The following BMPR1B variants were observed in gnomAD, a reference collection of about 807,000 sequenced individuals.
BMPR1B encodes bone morphogenetic protein receptor type-1B.
A neutral mutation model predicts 59.1 loss-of-function variants in BMPR1B; 12 were observed. The ratio of observed to expected loss-of-function variants is 0.20; its 90% confidence interval spans 0.13 to 0.33. The LOEUF (loss-of-function observed/expected upper bound fraction) is 0.33, where lower values mean the gene tolerates loss of function less well. BMPR1B is among the 10% of genes least tolerant of loss of function. BMPR1B has a pLI of 1.00. For missense variants in BMPR1B, 550 were observed against 610.9 expected (o/e 0.90, Z 1.05); for synonymous variants, 237 against 207.3 (o/e 1.14, Z -1.23).
intron 2 of BMPR1B, among the ~76,000 whole-genome samples, chr4:94,959,033 G>C (rs1034950369): frequency 6.6e-6 from 1 of 152,162 alleles, no homozygotes; most frequent in African/African-American, 2.4e-5. Flanking sequence ...TGGAAGTCTT[G>C]AGAAGGTAGG....
At chr4:94,788,120 CT>C (rs1163748346) in intron 1 of BMPR1B, among the ~76,000 whole-genome samples, 1 of 152,144 alleles carries the variant, frequency 6.6e-6, no homozygotes, top group Non-Finnish European at 1.5e-5. Context: ...CTTCTTGTCC[CT>C]GCAGTCTTAA....
chr4:94,961,005 T>C (rs1228900718), intron 2 of BMPR1B, among the ~76,000 whole-genome samples: 3 of 152,130 alleles, frequency 2.0e-5, no homozygotes, highest in Non-Finnish European at 4.4e-5. Flanking sequence ...GGTGAAATAA[T>C]GGTATAGAAG....
At chr4:94,813,085 T>C (rs1205704898) in intron 1 of BMPR1B, among the ~76,000 whole-genome samples, 1 of 152,108 alleles carries the variant, frequency 6.6e-6, no homozygotes, top group Non-Finnish European at 1.5e-5. Context: ...TAAGCAAATA[T>C]TTACAGAGCA....
Position 95,155,932 on chromosome 4 carries a change from T to C in BMPR1B, c.*1259T>C, listed in dbSNP as rs926849509. The stretch of plus-strand genomic sequence containing the variant: ...AGTTAGTAGAGGCCACAAACTGTTA[T>C]GGGCTGCTGTGTTTTGTTCTAAAAT... On this transcript the variant is annotated 3_prime_UTR_variant, in exon 13 of 13. Transcript: ENST00000515059. The C allele has an allele frequency of 3.9e-5, 6 of 152,308 alleles. No individual in the cohort carries two copies. In the South Asian group the frequency reaches 1.0e-3, roughly 26 times the overall value. The allele number at this position is 152,308 out of a possible 1,614,324, so 9.4% of individuals were successfully genotyped here. A position where few individuals can be genotyped will look rare whatever the true frequency, so the allele number is the denominator to read the frequency against.
intron 2 of BMPR1B, among the ~76,000 whole-genome samples, chr4:94,880,143 A>T (rs1039696217): frequency 5.3e-5 from 8 of 152,170 alleles, no homozygotes; most frequent in Admixed American, 4.6e-4. Flanking sequence ...TTACTAAAAA[A>T]TAGAATTTTC....
rs1725399210 is a variant in BMPR1B at position 95,038,191 on chromosome 4, C to CA, written c.-18+42058dup. Among the ~76,000 whole-genome samples, 12 of 152,202 alleles carry CA rather than the reference C, an allele frequency of 7.9e-5. No homozygotes were observed. In the South Asian group the frequency reaches 2.5e-3, roughly 32 times the overall value. ...CATTTTAGGCAGAAGAATCAGGAGA[C>CA]ACAAAGCTCTGAGCTGGATCATGCC... is the stretch of plus-strand genomic sequence containing the variant. On this transcript the variant is annotated intron_variant, in intron 3 of 12. Transcript: ENST00000515059.
chr4:94,906,968 G>T (rs1045072612), intron 2 of BMPR1B, among the ~76,000 whole-genome samples: 2 of 151,958 alleles, frequency 1.3e-5, no homozygotes, highest in Non-Finnish European at 2.9e-5. Flanking sequence ...TTATCTCTCT[G>T]TAGGGATTAT....
chr4:95,009,490 A>G (rs1027398381), intron 3 of BMPR1B, among the ~76,000 whole-genome samples: 1 of 152,148 alleles, frequency 6.6e-6, no homozygotes, highest in African/African-American at 2.4e-5. Flanking sequence ...AGAATCCCCA[A>G]AACACAATTT....
At chr4:95,009,423 A>G (rs555649830) in intron 3 of BMPR1B, among the ~76,000 whole-genome samples, 3 of 152,330 alleles carry the variant, frequency 2.0e-5, no homozygotes, top group Non-Finnish European at 4.4e-5. Context: ...TATTTTATAC[A>G]GTGGAATTAA....
chr4:94,920,531 T>C (rs541654893), intron 2 of BMPR1B, among the ~76,000 whole-genome samples: 13 of 152,278 alleles, frequency 8.5e-5, no homozygotes, highest in African/African-American at 2.9e-4. Context: ...CTCCCACTAA[T>C]TGTTTTATGG....
At chr4:95,085,685 T>C (rs1729520330) in intron 3 of BMPR1B, among the ~76,000 whole-genome samples, 2 of 152,172 alleles carry the variant, frequency 1.3e-5, no homozygotes, top group African/African-American at 2.4e-5. Context: ...ATAGAAAATA[T>C]ATAAGCAAAG....
chr4:94,938,943 C>A (rs1237710552), intron 2 of BMPR1B, among the ~76,000 whole-genome samples: 1 of 151,694 alleles, frequency 6.6e-6, no homozygotes, highest in Non-Finnish European at 1.5e-5. Context: ...CCCAGGAGTT[C>A]AAGGTTGCAG....
intron 1 of BMPR1B, among the ~76,000 whole-genome samples, chr4:94,821,111 C>G (rs187338782): frequency 2.2e-3 from 329 of 152,326 alleles, no homozygotes; most frequent in African/African-American, 7.6e-3. Flanking sequence ...TCACAACTCT[C>G]TTTAATATGC....
chr4:95,041,172 G>C (rs1163578014), intron 3 of BMPR1B, among the ~76,000 whole-genome samples: 1 of 152,054 alleles, frequency 6.6e-6, no homozygotes, highest in Non-Finnish European at 1.5e-5. Flanking sequence ...TCAGCCTCCT[G>C]AGTAAATAGG....
intron 3 of BMPR1B, among the ~76,000 whole-genome samples, chr4:95,005,798 G>A (rs1722780948): frequency 6.6e-6 from 1 of 151,968 alleles, no homozygotes; most frequent in East Asian, 1.9e-4. Flanking sequence ...TTTTGTGTGT[G>A]TGCATTTTGA....
chr4:94,763,557 T>C (rs771454538), intron 1 of BMPR1B, among the ~76,000 whole-genome samples: 2 of 152,212 alleles, frequency 1.3e-5, no homozygotes, highest in Non-Finnish European at 2.9e-5. Context: ...TATTTACTTA[T>C]CGGCTAAAGG....
At chr4:94,805,907 TC>T (rs761884650) in intron 1 of BMPR1B, among the ~76,000 whole-genome samples, 12 of 152,182 alleles carry the variant, frequency 7.9e-5, no homozygotes, top group Non-Finnish European at 1.6e-4. Flanking sequence ...TAAATATGGA[TC>T]TAGAAAATTG....
intron 2 of BMPR1B, among the ~76,000 whole-genome samples, chr4:94,899,311 C>T (rs1373790471): frequency 6.6e-6 from 1 of 151,718 alleles, no homozygotes; most frequent in African/African-American, 2.4e-5. Flanking sequence ...ATAACACTTA[C>T]AGGTACCAGC....
At chr4:95,022,776 A>G (rs780718188) in intron 3 of BMPR1B, among the ~76,000 whole-genome samples, 6 of 152,178 alleles carry the variant, frequency 3.9e-5, no homozygotes, top group Non-Finnish European at 7.3e-5. Flanking sequence ...GAGACATTAT[A>G]AAATGGTATT....
Sources: gnomAD v4.1 joint callset for allele counts (sites outside exome capture counted in the v4.1 genomes callset) on GRCh38, gnomAD v4.1.1 for gene constraint, MANE v1.5 for transcripts, NCBI Gene and HGNC (gene_info 2026-07-23, HGNC 2026-07-21) for gene names.